The following ARHGAP29 variants were observed in gnomAD, a reference collection of about 807,000 sequenced individuals.
The protein encoded by ARHGAP29 is rho GTPase-activating protein 29.
Under a neutral mutation model 122.6 loss-of-function variants are expected in ARHGAP29, and 43 were observed. The observed-to-expected ratio is 0.35, with a 90% CI of 0.27 to 0.45. The LOEUF is 0.45. ARHGAP29 is among the 20% of genes least tolerant of loss of function. ARHGAP29 has a pLI of 1.00. For synonymous variants in ARHGAP29, 506 were observed against 497.1 expected (o/e 1.02, Z -0.24); for missense variants, 1,303 against 1,477.2 (o/e 0.88, Z 1.93).
chr1:94,171,128 T>C lies in ARHGAP29; in HGVS notation c.*2741A>G, dbSNP rs1648712045. Among the ~76,000 whole-genome samples the C allele has an allele frequency of 6.6e-6, 1 of 152,210 alleles. No homozygotes were observed. Among genetic ancestry groups the C allele is most frequent in the African/African-American group, 2.4e-5 (1 of 41,444 alleles). ...TTGTCATTTAGAGAGATGTTTCCAG[T>C]TGTATAAATACTGTAACACAACGAT... is the stretch of plus-strand genomic sequence containing the variant. On this transcript the variant is annotated 3_prime_UTR_variant, in exon 23 of 23. Coordinates refer to ENST00000260526, the MANE Select transcript of ARHGAP29 (RefSeq NM_004815.4).
At chr1:94,214,559 C>T (rs1651840802) in intron 3 of ARHGAP29, among the ~76,000 whole-genome samples, 1 of 152,066 alleles carries the variant, frequency 6.6e-6, no homozygotes, top group Admixed American at 6.6e-5. Context: ...TTTTTTCTTC[C>T]TTTCCATCCC....
chr1:94,293,886 T>C, the ARHGAP29 span, among the ~76,000 whole-genome samples: 1 of 152,182 alleles, frequency 6.6e-6, no homozygotes, highest in African/African-American at 2.4e-5. Flanking sequence ...CCACTGGTGA[T>C]TGACTTTATC....
At position 94,220,340 on chromosome 1, in the gene ARHGAP29, T is replaced by C; in HGVS notation, c.258A>G (p.Leu86=). 1 of 1,612,448 alleles carries C rather than the reference T, an allele frequency of 6.2e-7. No individual in the cohort carries two copies. Residue 86 remains leucine (L), a synonymous_variant, in exon 3 of 23, where the codon TTA becomes TTG. Coordinates refer to ENST00000260526, the MANE Select transcript of ARHGAP29 (RefSeq NM_004815.4). ...HIRLEELLRV[L]KSIMNKHQNL... ...TCTGATGTTTATTCATTATAGACTT[T>C]AAAACACGGAGCAGTTCCTCTAGAC...
At chr1:94,211,227 C>T (rs950931879) in intron 3 of ARHGAP29, among the ~76,000 whole-genome samples, 1 of 119,332 alleles carries the variant, frequency 8.4e-6, no homozygotes, top group Non-Finnish European at 1.6e-5. Context: ...GCAGAGGTTG[C>T]AGTAAGCTGA....
intron 5 of ARHGAP29, among the ~76,000 whole-genome samples, chr1:94,206,025 A>G (rs1570537144): frequency 6.6e-6 from 1 of 152,216 alleles, no homozygotes. Context: ...ATTGCTATCT[A>G]AACAGAAGAC....
At chr1:94,274,461 G>A (rs1255851242) in intron 1 of ARHGAP29, among the ~76,000 whole-genome samples, 2 of 152,296 alleles carry the variant, frequency 1.3e-5, no homozygotes, top group South Asian at 2.1e-4. Flanking sequence ...AATTCTAACC[G>A]AGTTGAATCT....
At chr1:94,301,031 T>C in the ARHGAP29 span, among the ~76,000 whole-genome samples, 1 of 152,244 alleles carries the variant, frequency 6.6e-6, no homozygotes, top group Non-Finnish European at 1.5e-5. Flanking sequence ...CTTTGGAAGC[T>C]AACTAGTAGT....
intron 1 of ARHGAP29, among the ~76,000 whole-genome samples, chr1:94,264,384 C>T (rs988784760): frequency 6.6e-6 from 1 of 152,114 alleles, no homozygotes; most frequent in African/African-American, 2.4e-5. Flanking sequence ...TGAGAAGACT[C>T]CATTTGGGAA....
At chr1:94,235,949 A>G (rs1653225369) in intron 1 of ARHGAP29, among the ~76,000 whole-genome samples, 1 of 152,190 alleles carries the variant, frequency 6.6e-6, no homozygotes, top group South Asian at 2.1e-4. Context: ...CTCTAATTGA[A>G]GTGTAAAACT....
chr1:94,180,115 G>T (rs533402362), intron 19 of ARHGAP29, among the ~76,000 whole-genome samples, 158 bp from the exon 20 acceptor site: 6 of 152,190 alleles, frequency 3.9e-5, no homozygotes, highest in African/African-American at 1.2e-4. Flanking sequence ...TACAGATGTG[G>T]TCTATAAAGT....
chr1:94,240,836 A>C (rs755884611), upstream of ARHGAP29, among the ~76,000 whole-genome samples: 3 of 152,214 alleles, frequency 2.0e-5, no homozygotes, highest in Admixed American at 6.5e-5. Context: ...CAGACTGCAC[A>C]GATTAGTATT....
chr1:94,204,821 T>C (rs1342523664), intron 7 of ARHGAP29, among the ~76,000 whole-genome samples: 2 of 152,204 alleles, frequency 1.3e-5, no homozygotes, highest in Non-Finnish European at 2.9e-5. Flanking sequence ...AGAGTATGAC[T>C]TCTTTGAAGG....
chr1:94,252,338 A>G (rs1654129469), intron 1 of ARHGAP29, among the ~76,000 whole-genome samples: 1 of 152,232 alleles, frequency 6.6e-6, no homozygotes, highest in South Asian at 2.1e-4. Context: ...AACTTAAGGA[A>G]GAACGCTTCT....
At chr1:94,303,298 A>C in the ARHGAP29 span, among the ~76,000 whole-genome samples, 5 of 152,258 alleles carry the variant, frequency 3.3e-5, no homozygotes, top group Non-Finnish European at 7.3e-5. Context: ...TGCTAAGTGA[A>C]ATATGCTAGT....
intron 2 of ARHGAP29, among the ~76,000 whole-genome samples, chr1:94,227,378 C>T (rs1230075116): frequency 6.6e-6 from 1 of 151,388 alleles, no homozygotes; most frequent in Non-Finnish European, 1.5e-5. Context: ...TTTTTATCTT[C>T]CTTTCCAGCC....
At chr1:94,237,618 G>C, upstream of ARHGAP29, 2 of 987,084 alleles carry the variant, frequency 2.0e-6, no homozygotes, top group Non-Finnish European at 2.4e-6. Context: ...TACCGCCACG[G>C]CCGCACCGCC....
chr1:94,264,541 C>T (rs1327683674), intron 1 of ARHGAP29, among the ~76,000 whole-genome samples: 1 of 152,134 alleles, frequency 6.6e-6, no homozygotes, highest in African/African-American at 2.4e-5. Context: ...GGCTGCCTTC[C>T]ACTTGCTTCT....
chr1:94,169,108 G>A lies in ARHGAP29; in HGVS notation c.*4761C>T, dbSNP rs113780335. 0.014 allele frequency among the ~76,000 whole-genome samples: 2,154 copies of A among 152,276 alleles called. 43 individuals carry two copies. Among genetic ancestry groups the A allele is most frequent in the African/African-American group, 0.048 (2,012 of 41,550 alleles). On this transcript the variant is annotated 3_prime_UTR_variant, in exon 23 of 23. Coordinates refer to ENST00000260526, the MANE Select transcript of ARHGAP29 (RefSeq NM_004815.4). ...TTCTATAAATTTCATAAATGTCTAT[G>A]TTTAAACATTCCTGGTAAATATGTA...
intron 3 of ARHGAP29, among the ~76,000 whole-genome samples, chr1:94,213,861 A>C (rs1245268811): frequency 6.6e-6 from 1 of 152,240 alleles, no homozygotes; most frequent in African/African-American, 2.4e-5. Flanking sequence ...CAAAAATGTT[A>C]GCTATTATTA....
Sources: allele counts gnomAD v4.1 joint callset (sites outside exome capture counted in the v4.1 genomes callset), GRCh38; gene constraint gnomAD v4.1.1; transcripts MANE v1.5; gene names NCBI Gene and HGNC (gene_info 2026-07-23, HGNC 2026-07-21).